FEZ2: variants seen among roughly 807,000 people sequenced by gnomAD.
FEZ2 encodes fasciculation and elongation protein zeta 2, also known as fasciculation and elongation protein zeta-2.
Under a neutral mutation model 40.4 loss-of-function variants are expected in FEZ2, and 51 were observed. The ratio of observed to expected loss-of-function variants is 1.26; its 90% CI spans 1.01 to 1.59. FEZ2 has a LOEUF of 1.59. FEZ2 is among the 40% of genes most tolerant of loss of function. The pLI, the probability that FEZ2 is intolerant of heterozygous loss-of-function variation, is 0.00. For synonymous variants in FEZ2, 242 were observed against 172.0 expected (o/e 1.41, Z -3.18); for missense variants, 640 against 438.3 (o/e 1.46, Z -4.11).
chr2:36,592,292 C>G (rs528682699), intron 1 of FEZ2, among the ~76,000 whole-genome samples: 10 of 151,778 alleles, frequency 6.6e-5, no homozygotes, highest in Admixed American at 3.3e-4. Context: ...TTTTTAAGTT[C>G]CGGGGTACAT....
At chr2:36,597,802 G>GCGGC in intron 1 of FEZ2, 75 bp downstream of exon 1, 1 of 993,004 alleles carries the variant, frequency 1.0e-6, no homozygotes, top group African/African-American at 4.8e-5. Context: ...GGGAGGAGCT[G>GCGGC]CGGCCGTAGG....
At chr2:36,554,015 C>A (rs934227219) in intron 7 of FEZ2, among the ~76,000 whole-genome samples, 11 of 152,128 alleles carry the variant, frequency 7.2e-5, no homozygotes, top group Non-Finnish European at 1.5e-4. Flanking sequence ...ATTGCACTCC[C>A]GTCTTCATTT....
intron 5 of FEZ2, among the ~76,000 whole-genome samples, chr2:36,572,138 T>C (rs1189885068): frequency 2.0e-5 from 3 of 152,190 alleles, no homozygotes; most frequent in Non-Finnish European, 4.4e-5. Context: ...AACATTTTTA[T>C]TCCTTTTGTT....
chr2:36,589,757 C>G (rs1384754125), intron 2 of FEZ2: 1 of 152,180 alleles, frequency 6.6e-6, no homozygotes, highest in African/African-American at 2.4e-5. Context: ...CTACATTTTA[C>G]TAGAAAATAA....
chr2:36,567,679 T>C (rs1668286013), intron 5 of FEZ2, among the ~76,000 whole-genome samples: 1 of 151,868 alleles, frequency 6.6e-6, no homozygotes, highest in Non-Finnish European at 1.5e-5. Context: ...GGAGAATCAC[T>C]TGAACCCGGG....
chr2:36,565,379 G>C (rs1417812410), intron 5 of FEZ2, among the ~76,000 whole-genome samples: 4 of 152,108 alleles, frequency 2.6e-5, no homozygotes, highest in Non-Finnish European at 5.9e-5. Context: ...ACAAAAACCA[G>C]GTGCCTCAGA....
intron 5 of FEZ2, chr2:36,559,330 T>A (rs574791258): frequency 6.6e-6 from 1 of 152,342 alleles, no homozygotes; most frequent in East Asian, 1.9e-4. Context: ...AAAAAATAGT[T>A]CCGTGCATTT....
chr2:36,553,155 T>C lies in FEZ2; in HGVS notation c.*8A>G, dbSNP rs115785235. ...AGCTTGGAGCCCACCGCAGATAAAG[T>C]TGCTGCTCTATGTAGGACACAGAAC... On this transcript the variant is annotated 3_prime_UTR_variant, in exon 8 of 8. Coordinates refer to ENST00000405912, the MANE Select transcript of FEZ2 (RefSeq NM_005102.3). 1.3e-3 allele frequency: 2,071 copies of C among 1,566,226 alleles called. 18 individuals are homozygous for C. The African/African-American group carries it at 0.025, about 19-fold the overall frequency.
At chr2:36,590,140 A>T (rs1669024100) in intron 2 of FEZ2, 1 of 152,236 alleles carries the variant, frequency 6.6e-6, no homozygotes, top group South Asian at 2.1e-4. Context: ...TGTACACAGG[A>T]GACCCCAAGA....
chr2:36,596,096 T>C (rs547192440), intron 1 of FEZ2, among the ~76,000 whole-genome samples: 22 of 152,340 alleles, frequency 1.4e-4, no homozygotes, highest in African/African-American at 5.0e-4. Context: ...GGGAACAGGC[T>C]TCCAAAAATG....
intron 5 of FEZ2, among the ~76,000 whole-genome samples, chr2:36,576,435 A>C (rs1005834894): frequency 6.6e-6 from 1 of 151,810 alleles, no homozygotes; most frequent in African/African-American, 2.4e-5. Context: ...ACGCCCAACT[A>C]ATTTTTGTAT....
Position 36,581,023 on chromosome 2 carries a change from G to T in FEZ2, c.634+267C>A, listed in dbSNP as rs183666418. 4.7e-3 allele frequency among the ~76,000 whole-genome samples: 720 copies of T among 152,224 alleles called. 10 individuals carry two copies. Among genetic ancestry groups the T allele is most frequent in the African/African-American group, 0.017 (686 of 41,536 alleles). ...AAAAATTAGCCAGGCGTGGTGGCGG[G>T]CACCTGTAATCCTAGCTACTTGGGA... On this transcript the variant is annotated intron_variant, in intron 4 of 7. Coordinates refer to ENST00000405912, the MANE Select transcript of FEZ2 (RefSeq NM_005102.3).
chr2:36,559,475 A>C (rs1668036425), intron 5 of FEZ2, among the ~76,000 whole-genome samples: 1 of 152,212 alleles, frequency 6.6e-6, no homozygotes, highest in Admixed American at 6.5e-5. Flanking sequence ...CATAACTGAA[A>C]AACAGGATAA....
chr2:36,554,094 G>A (rs1667893568), intron 7 of FEZ2: 1 of 393,742 alleles, frequency 2.5e-6, no homozygotes, highest in South Asian at 2.0e-5. Flanking sequence ...ACAATACAAA[G>A]CCAAGACAAA....
chr2:36,589,290 C>A (rs1668999814), intron 2 of FEZ2, among the ~76,000 whole-genome samples: 1 of 152,204 alleles, frequency 6.6e-6, no homozygotes, highest in South Asian at 2.1e-4. Flanking sequence ...GACAGCAAGG[C>A]TAAACCCCGT....
intron 7 of FEZ2, 81 bp downstream of exon 7, chr2:36,555,598 ACTGT>A (rs1289863725): frequency 3.1e-6 from 2 of 636,176 alleles, no homozygotes; most frequent in South Asian, 2.8e-5. Context: ...TTGGGAAGTT[ACTGT>A]CTAATGTATT....
At chr2:36,560,103 G>T (rs991213816) in intron 5 of FEZ2, among the ~76,000 whole-genome samples, 7 of 152,160 alleles carry the variant, frequency 4.6e-5, no homozygotes. Context: ...ATAGTGAAAG[G>T]TAATTTTAAG....
At chr2:36,561,561 T>C (rs1398244059) in intron 5 of FEZ2, 2 of 152,200 alleles carry the variant, frequency 1.3e-5, no homozygotes. Flanking sequence ...TAGAATTCTT[T>C]GTACTGAAAA....
chr2:36,583,286 A>C, intron 3 of FEZ2, 67 bp downstream of exon 3: 1 of 820,244 alleles, frequency 1.2e-6, no homozygotes, highest in East Asian at 2.4e-5. Context: ...ATTTACTGTC[A>C]TAACAAGAAG....
Sources: gnomAD v4.1 joint callset for allele counts (sites outside exome capture counted in the v4.1 genomes callset) on GRCh38, gnomAD v4.1.1 for gene constraint, MANE v1.5 for transcripts, NCBI Gene and HGNC (gene_info 2026-07-23, HGNC 2026-07-21) for gene names.